The following MGAM2 variants were observed in gnomAD, a reference collection of about 807,000 sequenced individuals.
The protein encoded by MGAM2 is maltase-glucoamylase 2 (putative).
A neutral mutation model predicts 96.1 loss-of-function variants in MGAM2; 98 were observed. That is an observed-to-expected ratio of 1.02 (90% confidence interval 0.87 to 1.21). The LOEUF (loss-of-function observed/expected upper bound fraction) is 1.21, where lower values mean the gene tolerates loss of function less well. Ranked by LOEUF, MGAM2 falls within the 50% of genes most tolerant of loss-of-function variation. The probability of loss-of-function intolerance (pLI) is 0.00; values close to 1 mark genes in which losing one functional copy is unlikely to be tolerated. For synonymous variants in MGAM2, 749 were observed against 414.8 expected, an observed-to-expected ratio of 1.81 and a Z score of -9.79; for missense variants, 2,055 against 1,182.4, an observed-to-expected ratio of 1.74 and a Z score of -10.82.
intron 46 of MGAM2, among the ~76,000 whole-genome samples, chr7:142,216,608 C>T (rs1051554530): frequency 6.6e-6 from 1 of 152,020 alleles, no homozygotes; most frequent in African/African-American, 2.4e-5. Context: ...GTAGCTTCTC[C>T]CACCATCTTA....
intron 46 of MGAM2, among the ~76,000 whole-genome samples, chr7:142,211,736 G>A (rs554603155): frequency 1.8e-4 from 27 of 152,182 alleles, no homozygotes; most frequent in Non-Finnish European, 2.6e-4. Context: ...TGAAAGTGAC[G>A]AGGAGAATGG....
chr7:142,135,570 G>A (rs1487894378), intron 7 of MGAM2, among the ~76,000 whole-genome samples: 1 of 152,006 alleles, frequency 6.6e-6, no homozygotes, highest in Non-Finnish European at 1.5e-5. Flanking sequence ...TGCAAATTAT[G>A]TTGATTCTTT....
Position 142,120,320 on chromosome 7 carries a change from A to T in MGAM2, c.125A>T (p.Glu42Val). 1 of 703,186 alleles carries T rather than the reference A, an allele frequency of 1.4e-6. No homozygotes were observed. The highest frequency in any genetic ancestry group is 1.5e-5 in the South Asian group (1 of 67,594). The allele number at this position is 703,186 out of a possible 1,614,324, so 43.6% of individuals were successfully genotyped here. Reference sequence around the variant, plus strand: ...TATGCAGATACTTCATTTACTCCAGAGTGCCCAGAGATTCCCCAGTCGGAA... The same window carrying T: ...TATGCAGATACTTCATTTACTCCAGTGTGCCCAGAGATTCCCCAGTCGGAA... ...EETSDTSFTP[E>V]CPEIPQSERI... The change falls in exon 3 of 48, where the codon GAG becomes GTG. Residue 42 changes from glutamate to valine, a missense_variant. Physicochemically the swap from Glu to Val is moderately radical, Grantham distance 121 (BLOSUM62 -2). Coordinates refer to ENST00000477922, the MANE Select transcript of MGAM2 (RefSeq NM_001293626.2).
rs1016755015 is a variant in MGAM2, at chr7:142,154,792, C to A, written c.1870C>A (p.Gln624Lys). 2 of 703,546 alleles carry A rather than the reference C, an allele frequency of 2.8e-6. No homozygotes were observed. Among genetic ancestry groups the A allele is most frequent in the Non-Finnish European group, 5.2e-6 (2 of 385,112 alleles). 43.6% of individuals were successfully genotyped at this position (703,546 alleles called of 1,614,324 possible). ...AGAGGAGCTCTGCAGAAGGTGGATG[C>A]AGCTTGGAGCATTTTATCCACTACC... ...VTEELCRRWM[Q>K]LGAFYPLPRN... is the part of the protein sequence containing the mutation. Residue 624 changes from glutamine (Q) to lysine (K), a missense_variant, in exon 17 of 48, where the codon CAG (glutamine) becomes AAG (lysine). Coordinates refer to ENST00000477922, the MANE Select transcript of MGAM2 (RefSeq NM_001293626.2).
chr7:142,221,668 A>T lies in MGAM2; in HGVS notation c.7157A>T (p.Gln2386Leu), dbSNP rs564612057. ...GACAAATTCACCACACACATCACAC[A>T]GTTCGCTACTCCCCATTCTGCTACT... The part of the protein sequence containing the change: ...SIDKFTTHIT[Q>L]FATPHSATTT... Residue 2386 changes from glutamine (Q) to leucine (L), a missense_variant, in exon 48 of 48, where the codon CAG becomes CTG. Coordinates refer to ENST00000477922, the MANE Select transcript of MGAM2 (RefSeq NM_001293626.2). The T allele has an allele frequency of 2.3e-6, 1 of 442,608 alleles. No individual in the cohort carries two copies. The highest frequency in any genetic ancestry group is 7.6e-5 in the South Asian group (1 of 13,230). 27.4% of individuals were successfully genotyped at this position (442,608 alleles called of 1,614,324 possible).
At chr7:142,164,103 C>T (rs1795963140) in intron 23 of MGAM2, among the ~76,000 whole-genome samples, 1 of 151,916 alleles carries the variant, frequency 6.6e-6, no homozygotes, top group African/African-American at 2.4e-5. Context: ...AACCTTTGAC[C>T]TGTGTATGTC....
At position 142,166,152 on chromosome 7, in the gene MGAM2, A is replaced by T. The variant is rs1177889378; in HGVS notation, c.2707A>T (p.Arg903Trp). The change falls in exon 25 of 48, where the codon AGG becomes TGG. Residue 903 changes from arginine (R) to tryptophan (W), a missense_variant. Physicochemically the swap from Arg to Trp is moderately radical, Grantham distance 101. Coordinates refer to ENST00000477922, the MANE Select transcript of MGAM2 (RefSeq NM_001293626.2). The stretch of plus-strand genomic sequence containing the variant: ...GGTACTGGGACAAGAATTCTCTATT[A>T]GGTGGAATCTTCCTGTCAGTGACCT... ...GLVLGQEFSI[R>W]WNLPVSDLEK... 2.8e-6 allele frequency: 2 copies of T among 702,442 alleles called. No homozygotes were observed. Among genetic ancestry groups the T allele is most frequent in the Admixed American group, 4.0e-5 (2 of 49,940 alleles). The allele number at this position is 702,442 out of a possible 1,614,324, so 43.5% of individuals were successfully genotyped here.
intron 35 of MGAM2, among the ~76,000 whole-genome samples, chr7:142,186,942 A>G (rs1017028721): frequency 2.0e-5 from 3 of 146,892 alleles, no homozygotes; most frequent in Non-Finnish European, 4.5e-5. Flanking sequence ...AGAGATGCTG[A>G]TAGCTCTGGG....
rs967164106 is a variant in MGAM2, at chr7:142,147,470, T to A, written c.1531T>A (p.Leu511Ile). The change falls in exon 15 of 48, where the codon TTA (leucine) becomes ATA (isoleucine). Residue 511 changes from leucine (L) to isoleucine (I), a missense_variant. By Grantham distance (5) the Leu-to-Ile change is conservative. Transcript: ENST00000477922. ...PPFLPRVLDH[L>I]LFARTLCMDT... ...TTTCCCTCCAGGAGTTCTGGATCAC[T>A]TACTTTTTGCAAGAACTCTCTGCAT... 1 of 702,408 alleles carries A rather than the reference T, an allele frequency of 1.4e-6. No individual in the cohort carries two copies. Among genetic ancestry groups the A allele is most frequent in the African/African-American group, 1.7e-5 (1 of 57,238 alleles). The allele number at this position is 702,408 out of a possible 1,614,324, so 43.5% of individuals were successfully genotyped here.
At position 142,166,112 on chromosome 7, in the gene MGAM2, T is replaced by C. The variant is rs570986131; in HGVS notation, c.2667T>C (p.Thr889=). ...TCTTTCCCCAGGTGGTAACCATCACTGATCTCCAAGGACTGGTACTGGGAC... is the reference window on the plus strand; with the variant it reads ...TCTTTCCCCAGGTGGTAACCATCACCGATCTCCAAGGACTGGTACTGGGAC... ...YNASTKVVTI[T]DLQGLVLGQE... The change falls in exon 25 of 48, where the codon ACT becomes ACC. Residue 889 remains threonine (T), a synonymous_variant. Coordinates refer to ENST00000477922, the MANE Select transcript of MGAM2 (RefSeq NM_001293626.2). 4 of 697,708 alleles carry C rather than the reference T, an allele frequency of 5.7e-6. No individual in the cohort carries two copies. The highest frequency in any genetic ancestry group is 1.0e-5 in the Non-Finnish European group (4 of 382,718). 43.2% of individuals were successfully genotyped at this position (697,708 alleles called of 1,614,324 possible).
rs1797954912 is a variant in MGAM2, at chr7:142,222,232, C to T, written c.*173C>T. On this transcript the variant is annotated 3_prime_UTR_variant, in exon 48 of 48. Transcript: ENST00000477922. The stretch of plus-strand genomic sequence containing the variant: ...CTCCAAACACTCTCGTCATTGCAGA[C>T]ATGTTTAGGAAGGTTTACAAACCTT... The T allele has an allele frequency of 5.1e-6, 2 of 392,138 alleles. No homozygotes were observed. Among genetic ancestry groups the T allele is most frequent in the Non-Finnish European group, 4.5e-6 (1 of 221,856 alleles). 24.3% of individuals were successfully genotyped at this position (392,138 alleles called of 1,614,324 possible). A position where few individuals can be genotyped will look rare whatever the true frequency, so the allele number is the denominator to read the frequency against.
chr7:142,150,902 A>G (rs556624841), intron 15 of MGAM2, among the ~76,000 whole-genome samples: 1 of 152,042 alleles, frequency 6.6e-6, no homozygotes, highest in Non-Finnish European at 1.5e-5. Flanking sequence ...TTCATGTGCT[A>G]TTTGCCGTGC....
intron 15 of MGAM2, among the ~76,000 whole-genome samples, chr7:142,150,591 G>C (rs1053346594): frequency 1.3e-5 from 2 of 152,008 alleles, no homozygotes; most frequent in African/African-American, 4.8e-5. Flanking sequence ...TAGCATCTTG[G>C]ACCTCAACCC....
In MGAM2 at chr7:142,222,248, T is replaced by C. The variant is rs752848826; in HGVS notation, c.*189T>C. 17 of 388,990 alleles carry C rather than the reference T, an allele frequency of 4.4e-5. No individual in the cohort carries two copies. Among genetic ancestry groups the C allele is most frequent in the Non-Finnish European group, 7.3e-5 (16 of 219,874 alleles). 24.1% of individuals were successfully genotyped at this position (388,990 alleles called of 1,614,324 possible). On this transcript the variant is annotated 3_prime_UTR_variant, in exon 48 of 48. Transcript: ENST00000477922. ...CATTGCAGACATGTTTAGGAAGGTT[T>C]ACAAACCTTATAGGTTTCACCAAAG...
At chr7:142,159,803 T>C (rs1229276391) in intron 20 of MGAM2, among the ~76,000 whole-genome samples, 1 of 152,154 alleles carries the variant, frequency 6.6e-6, no homozygotes, top group African/African-American at 2.4e-5. Flanking sequence ...ATGAAATAAT[T>C]TGAATAACTG....
intron 33 of MGAM2, among the ~76,000 whole-genome samples, chr7:142,183,949 C>T (rs1430302649): frequency 1.2e-5 from 1 of 83,194 alleles, no homozygotes; most frequent in African/African-American, 3.7e-5. Flanking sequence ...ATTCCAGGCT[C>T]CTTTTTTTTT....
chr7:142,206,279 A>C (rs1346619471), intron 45 of MGAM2, among the ~76,000 whole-genome samples: 1 of 152,122 alleles, frequency 6.6e-6, no homozygotes, highest in Non-Finnish European at 1.5e-5. Flanking sequence ...GGTTTTTCTC[A>C]ACCTCAGCAA....
chr7:142,173,128 A>T (rs1000038050), intron 30 of MGAM2, 101 bp from the exon 31 acceptor site: 3 of 650,212 alleles, frequency 4.6e-6, no homozygotes, highest in East Asian at 2.7e-5. Context: ...GAGGCCTCTT[A>T]TACAGTACTT....
In MGAM2 at chr7:142,183,352, C is replaced by T; in HGVS notation, c.3903C>T (p.Thr1301=). 1 of 702,968 alleles carries T rather than the reference C, an allele frequency of 1.4e-6. No homozygotes were observed. Among genetic ancestry groups the T allele is most frequent in the Non-Finnish European group, 2.6e-6 (1 of 384,918 alleles). The allele number at this position is 702,968 out of a possible 1,614,324, so 43.5% of individuals were successfully genotyped here. The change falls in exon 33 of 48, where the codon ACC becomes ACT. Residue 1301 remains threonine, a synonymous_variant. Transcript: ENST00000477922. ...ENNVFIKWPD[T]NDIVWGKVWP... The stretch of plus-strand genomic sequence containing the variant: ...ACGTGTTCATCAAATGGCCTGACAC[C>T]AATGACATTGTCTGGGGAAAGGTAA...
Sources: gnomAD v4.1 joint callset for allele counts (sites outside exome capture counted in the v4.1 genomes callset) on GRCh38, gnomAD v4.1.1 for gene constraint, MANE v1.5 for transcripts, NCBI Gene and HGNC (gene_info 2026-07-23, HGNC 2026-07-21) for gene names.